VAV3: variants seen among roughly 807,000 people sequenced by gnomAD.
VAV3 encodes guanine nucleotide exchange factor VAV3.
A neutral mutation model predicts 131.2 loss-of-function variants in VAV3; 94 were observed. That is an observed-to-expected ratio of 0.72 (90% CI 0.61 to 0.85). The LOEUF is 0.85. Among genes scored for constraint, VAV3 ranks in the 40% least tolerant of loss-of-function variants. VAV3 has a pLI of 0.00. For synonymous variants in VAV3, 349 were observed against 342.0 expected (o/e 1.02, Z -0.22); for missense variants, 939 against 1,002.7 (o/e 0.94, Z 0.86).
At chr1:107,588,481 C>A (rs1650680872) in intron 25 of VAV3, among the ~76,000 whole-genome samples, 1 of 152,160 alleles carries the variant, frequency 6.6e-6, no homozygotes, top group Non-Finnish European at 1.5e-5. Context: ...GTAGCAGGAG[C>A]AGCAGTAGTA....
chr1:107,939,071 G>A (rs1001002142), intron 1 of VAV3, among the ~76,000 whole-genome samples: 5 of 152,180 alleles, frequency 3.3e-5, no homozygotes, highest in African/African-American at 4.8e-5. Flanking sequence ...CCCCAGAATC[G>A]CTGTGGACCT....
At chr1:107,960,856 C>T (rs1350490057) in intron 1 of VAV3, among the ~76,000 whole-genome samples, 2 of 152,112 alleles carry the variant, frequency 1.3e-5, no homozygotes, top group Non-Finnish European at 1.5e-5. Context: ...AATTGTATTA[C>T]ATTTCTCTCT....
intron 2 of VAV3, among the ~76,000 whole-genome samples, chr1:107,825,926 C>T (rs866700099): frequency 6.6e-6 from 1 of 152,116 alleles, no homozygotes; most frequent in Non-Finnish European, 1.5e-5. Context: ...TATTGTAAAT[C>T]CCTATCTATA....
intron 24 of VAV3, among the ~76,000 whole-genome samples, chr1:107,597,875 GCCCTTTACATGGCTCC>G (rs1184608819): frequency 6.6e-6 from 1 of 152,152 alleles, no homozygotes; most frequent in African/African-American, 2.4e-5. Context: ...CATGTGCCAG[GCCCTTTACATGGCTCC>G]TTATAACTTT....
At chr1:107,951,375 G>A (rs537321613) in intron 1 of VAV3, among the ~76,000 whole-genome samples, 51 of 152,010 alleles carry the variant, frequency 3.4e-4, no homozygotes, top group Admixed American at 5.9e-4. Flanking sequence ...TTTTCTCTTC[G>A]CCCCCTAAAA....
chr1:107,783,028 T>C (rs537071039), intron 2 of VAV3, among the ~76,000 whole-genome samples: 4 of 152,300 alleles, frequency 2.6e-5, no homozygotes, highest in South Asian at 2.1e-4. Flanking sequence ...AGTAAATCCA[T>C]GTCATGAATT....
At chr1:107,936,795 C>G (rs113725687) in intron 1 of VAV3, among the ~76,000 whole-genome samples, 374 of 152,322 alleles carry the variant, frequency 2.5e-3, no homozygotes, top group East Asian at 9.4e-3. Context: ...CCTGCACTTC[C>G]TTTCCTGGTT....
intron 1 of VAV3, among the ~76,000 whole-genome samples, chr1:107,917,516 T>G (rs1045375510): frequency 6.6e-6 from 1 of 152,096 alleles, no homozygotes; most frequent in African/African-American, 2.4e-5. Flanking sequence ...GCACCACAAC[T>G]TTTAAAAAAA....
intron 1 of VAV3, among the ~76,000 whole-genome samples, chr1:107,911,649 C>A (rs566846450): frequency 5.3e-5 from 8 of 152,130 alleles, no homozygotes; most frequent in Admixed American, 1.3e-4. Context: ...AATGGGCCAC[C>A]ATAGAGACTG....
intron 15 of VAV3, among the ~76,000 whole-genome samples, chr1:107,705,854 C>G (rs1660418088): frequency 6.6e-6 from 1 of 152,072 alleles, no homozygotes; most frequent in African/African-American, 2.4e-5. Context: ...TTAAAGAAAA[C>G]AGCATGATTG....
At chr1:107,667,554 T>C (rs1013217071) in intron 19 of VAV3, among the ~76,000 whole-genome samples, 5 of 152,124 alleles carry the variant, frequency 3.3e-5, no homozygotes, top group Non-Finnish European at 7.4e-5. Flanking sequence ...ATTGCTATCA[T>C]TAGTGATGGT....
intron 1 of VAV3, among the ~76,000 whole-genome samples, chr1:107,891,208 T>C (rs919091474): frequency 6.6e-6 from 1 of 152,160 alleles, no homozygotes; most frequent in African/African-American, 2.4e-5. Flanking sequence ...CTTTTTCCTC[T>C]ACCTGGAGTA....
At chr1:107,856,511 T>C (rs1395332627) in intron 2 of VAV3, among the ~76,000 whole-genome samples, 2 of 152,108 alleles carry the variant, frequency 1.3e-5, no homozygotes, top group Non-Finnish European at 2.9e-5. Context: ...AAATGGTACT[T>C]TTCCCCCAGG....
At chr1:107,595,575 A>T (rs1453478612) in intron 25 of VAV3, among the ~76,000 whole-genome samples, 1 of 152,176 alleles carries the variant, frequency 6.6e-6, no homozygotes, top group Non-Finnish European at 1.5e-5. Flanking sequence ...TACATGCTCT[A>T]TCTCCAGGAA....
intron 1 of VAV3, among the ~76,000 whole-genome samples, chr1:107,894,402 G>A (rs1318094305): frequency 2.6e-5 from 4 of 152,110 alleles, no homozygotes; most frequent in Non-Finnish European, 5.9e-5. Context: ...ATTAGGACAG[G>A]TGTCTTCCTG....
intron 1 of VAV3, among the ~76,000 whole-genome samples, chr1:107,900,008 G>A (rs1195604012): frequency 6.6e-6 from 1 of 151,908 alleles, no homozygotes; most frequent in East Asian, 1.9e-4. Context: ...TACACTTTCA[G>A]CATACTTAAT....
chr1:107,618,606 GT>G (rs1653345021), intron 20 of VAV3, among the ~76,000 whole-genome samples: 1 of 152,122 alleles, frequency 6.6e-6, no homozygotes, highest in South Asian at 2.1e-4. Flanking sequence ...TGCTCTGAGT[GT>G]TTTATTTAAT....
intron 1 of VAV3, among the ~76,000 whole-genome samples, chr1:107,889,201 C>T (rs1671198930): frequency 6.7e-6 from 1 of 148,564 alleles, no homozygotes; most frequent in East Asian, 2.0e-4. Context: ...ATTTTCAGGG[C>T]ATATAACAAT....
At chr1:107,600,331 ATTT>A (rs3842537) in intron 24 of VAV3, among the ~76,000 whole-genome samples, 2 of 151,780 alleles carry the variant, frequency 1.3e-5, no homozygotes, top group Non-Finnish European at 2.9e-5. Flanking sequence ...TGATATTGAG[ATTT>A]TTTTTCCAGC....
Sources: gnomAD v4.1 joint callset for allele counts (sites outside exome capture counted in the v4.1 genomes callset) on GRCh38, gnomAD v4.1.1 for gene constraint, MANE v1.5 for transcripts, NCBI Gene and HGNC (gene_info 2026-07-23, HGNC 2026-07-21) for gene names.